MSANTD3: variants seen among roughly 807,000 people sequenced by gnomAD.
MSANTD3 encodes Myb/SANT DNA binding domain containing 3, also known as myb/SANT-like DNA-binding domain-containing protein 3.
MSANTD3 carries 11 observed loss-of-function variants against 27.7 expected under a neutral mutation model. The ratio of observed to expected loss-of-function variants is 0.40; its 90% confidence interval spans 0.25 to 0.66. The LOEUF (loss-of-function observed/expected upper bound fraction) is 0.66. MSANTD3 is among the 30% of genes least tolerant of loss of function. MSANTD3 has a pLI of 0.41. For missense variants in MSANTD3, 250 were observed against 336.5 expected (o/e 0.74, Z 2.01); for synonymous variants, 131 against 127.2 (o/e 1.03, Z -0.20).
rs147804662 is a variant in MSANTD3, at chr9:100,435,116, G to A, written c.-33-6790G>A. ...TTTATTCACGTTGCAGGACTTTTGC[G>A]CAGAGGGAATGAGGCAGGGCCGGGA... On this transcript the variant is annotated intron_variant, in intron 1 of 2. Coordinates refer to ENST00000395067, the MANE Select transcript of MSANTD3 (RefSeq NM_080655.3). 7.0e-4 allele frequency among the ~76,000 whole-genome samples: 106 copies of A among 152,304 alleles called. No homozygotes were observed. In the East Asian group the frequency reaches 0.01, roughly 15 times the overall value.
chr9:100,450,408 C>G, intron 2 of MSANTD3, 149 bp from the exon 3 acceptor site: 1 of 596,622 alleles, frequency 1.7e-6, no homozygotes, highest in Non-Finnish European at 2.6e-6. Flanking sequence ...TCAGGTGTGG[C>G]TAGGGTCCCT....
intron 1 of MSANTD3, among the ~76,000 whole-genome samples, chr9:100,427,922 G>A (rs1199271490): frequency 6.6e-6 from 1 of 152,086 alleles, no homozygotes; most frequent in African/African-American, 2.4e-5. Flanking sequence ...CGGGGCTACT[G>A]TTTCTGTAAA....
At chr9:100,448,895 C>T (rs1434752318) in intron 2 of MSANTD3, 2 of 984,492 alleles carry the variant, frequency 2.0e-6, no homozygotes, top group Non-Finnish European at 2.4e-6. Context: ...TTTCTTTAAT[C>T]GTAATTAGGG....
At chr9:100,431,541 A>G (rs748400021) in intron 1 of MSANTD3, among the ~76,000 whole-genome samples, 4 of 137,726 alleles carry the variant, frequency 2.9e-5, no homozygotes, top group Non-Finnish European at 3.2e-5. Context: ...GGCATCAAGC[A>G]GTACTCCCCC....
At chr9:100,427,682 G>GAGCT (rs1196090274) in intron 1 of MSANTD3, 1 of 152,332 alleles carries the variant, frequency 6.6e-6, no homozygotes, top group Non-Finnish European at 1.5e-5. Context: ...CGGGCTCGGG[G>GAGCT]AGCTGCTCGG....
At position 100,432,716 on chromosome 9, in the gene MSANTD3, G is replaced by A. The variant is rs567854892; in HGVS notation, c.-34+5323G>A. 5.9e-5 allele frequency among the ~76,000 whole-genome samples: 9 copies of A among 152,182 alleles called. 1 individual carries two copies. The South Asian group carries it at 1.2e-3, about 21-fold the overall frequency. On this transcript the variant is annotated intron_variant, in intron 1 of 2. Coordinates refer to ENST00000395067, the MANE Select transcript of MSANTD3 (RefSeq NM_080655.3). ...CTTGCACAGTTAAACCTGTTTAAAG[G>A]CCTTAAGCAAAATAACAAGGTCATC...
At chr9:100,449,666 C>T (rs1836838798) in intron 2 of MSANTD3, among the ~76,000 whole-genome samples, 1 of 151,932 alleles carries the variant, frequency 6.6e-6, no homozygotes, top group Non-Finnish European at 1.5e-5. Context: ...GTGAACAGGG[C>T]ATTTGGAAGA....
Position 100,440,590 on chromosome 9 carries a change from A to AAT in MSANTD3, c.-33-1316_-33-1315insAT, listed in dbSNP as rs778532166. Among the ~76,000 whole-genome samples, 339 of 135,312 alleles carry AAT rather than the reference A, an allele frequency of 2.5e-3. 2 individuals carry two copies. The highest frequency in any genetic ancestry group is 8.7e-3 in the African/African-American group (318 of 36,634). 88.8% of individuals were successfully genotyped at this position (135,312 alleles called of 152,430 possible). Reference sequence around the variant, plus strand: ...TGCCACAGAGTGATGAAAACGTCAAATTTTTTTTTTTTTTTTTTTGAGACA... The same window carrying AAT: ...TGCCACAGAGTGATGAAAACGTCAAAATTTTTTTTTTTTTTTTTTTTGAGACA... On this transcript the variant is annotated intron_variant, in intron 1 of 2. Transcript: ENST00000395067.
chr9:100,440,287 C>A (rs184759450), intron 1 of MSANTD3, among the ~76,000 whole-genome samples: 1 of 152,178 alleles, frequency 6.6e-6, no homozygotes, highest in Non-Finnish European at 1.5e-5. Context: ...ACTCCTAGGG[C>A]AGTCCAAGCT....
chr9:100,434,302 C>T (rs1836429895), intron 1 of MSANTD3, among the ~76,000 whole-genome samples: 1 of 152,136 alleles, frequency 6.6e-6, no homozygotes, highest in African/African-American at 2.4e-5. Context: ...CTGAGGCAGG[C>T]TGATCACCTG....
intron 1 of MSANTD3, among the ~76,000 whole-genome samples, chr9:100,441,662 CT>C (rs1836625969): frequency 6.6e-6 from 1 of 152,054 alleles, no homozygotes; most frequent in Non-Finnish European, 1.5e-5. Flanking sequence ...TTCAACTTTT[CT>C]TTTTTTGCTG....
rs781044947 is a variant in MSANTD3, at chr9:100,450,888, T to C, written c.750T>C (p.Tyr250=). The C allele has an allele frequency of 1.2e-6, 2 of 1,613,564 alleles. No individual in the cohort carries two copies. The change falls in exon 3 of 3, where the codon TAT becomes TAC. Residue 250 remains tyrosine (Y), a synonymous_variant. Coordinates refer to ENST00000395067, the MANE Select transcript of MSANTD3 (RefSeq NM_080655.3). The part of the protein sequence containing the change: ...KMEVLNKKKM[Y]WERKLQTFTK... ...AAGTTCTCAATAAAAAGAAGATGTA[T>C]TGGGAAAGAAAACTACAAACTTTTA...
At chr9:100,441,634 C>T (rs559679282) in intron 1 of MSANTD3, among the ~76,000 whole-genome samples, 4 of 151,086 alleles carry the variant, frequency 2.6e-5, no homozygotes, top group African/African-American at 4.9e-5. Context: ...AGCGAGACTC[C>T]GTTTCAAAAA....
At chr9:100,431,692 A>T (rs1836380892) in intron 1 of MSANTD3, among the ~76,000 whole-genome samples, 1 of 152,102 alleles carries the variant, frequency 6.6e-6, no homozygotes, top group South Asian at 2.1e-4. Context: ...CATGCCTCGG[A>T]GCTCACCGTC....
rs529362356 is a variant in MSANTD3 at position 100,440,780 on chromosome 9, C to CTTT, written c.-33-1101_-33-1099dup. 5.5e-4 allele frequency among the ~76,000 whole-genome samples: 47 copies of CTTT among 85,700 alleles called. 3 individuals carry two copies. In the East Asian group the frequency reaches 7.8e-3, roughly 14 times the overall value. 56.2% of individuals were successfully genotyped at this position (85,700 alleles called of 152,430 possible). Reference sequence around the variant, plus strand: ...TATTTTTTTTTCTTCTTTTTCTTCCCTTTTTTTTTTTTTTTTTTTTTTTTT... The same window carrying CTTT: ...TATTTTTTTTTCTTCTTTTTCTTCCCTTTTTTTTTTTTTTTTTTTTTTTTTTTT... On this transcript the variant is annotated intron_variant, in intron 1 of 2. Transcript: ENST00000395067.
chr9:100,451,134 C>T lies in MSANTD3; in HGVS notation c.*168C>T. The T allele has an allele frequency of 1.7e-6, 1 of 601,628 alleles. No individual in the cohort carries two copies. Among genetic ancestry groups the T allele is most frequent in the Non-Finnish European group, 2.8e-6 (1 of 361,168 alleles). 37.3% of individuals were successfully genotyped at this position (601,628 alleles called of 1,614,324 possible). ...GTAAACAGCTGCACCCTCTGTACCCCTTAAGTGGCAAAGAAGCTGTTATAG... is the reference window on the plus strand; with the variant it reads ...GTAAACAGCTGCACCCTCTGTACCCTTTAAGTGGCAAAGAAGCTGTTATAG... On this transcript the variant is annotated 3_prime_UTR_variant, in exon 3 of 3. Coordinates refer to ENST00000395067, the MANE Select transcript of MSANTD3 (RefSeq NM_080655.3).
At chr9:100,443,775 G>C (rs1465207250) in intron 2 of MSANTD3, among the ~76,000 whole-genome samples, 1 of 152,186 alleles carries the variant, frequency 6.6e-6, no homozygotes, top group Non-Finnish European at 1.5e-5. Flanking sequence ...AGAAATTCCT[G>C]CTTCTTTTCA....
At chr9:100,442,507 A>G in intron 2 of MSANTD3, 151 bp downstream of exon 2, 1 of 1,326,954 alleles carries the variant, frequency 7.5e-7, no homozygotes, top group Non-Finnish European at 1.0e-6. Flanking sequence ...ATTATATAGG[A>G]CATTCAAAGT....
At chr9:100,445,097 T>C in intron 2 of MSANTD3, 1 of 848,148 alleles carries the variant, frequency 1.2e-6, no homozygotes, top group Non-Finnish European at 2.0e-6. Context: ...TTAATACTAG[T>C]AGGTAGGGTA....
Sources: gnomAD v4.1 joint callset for allele counts (sites outside exome capture counted in the v4.1 genomes callset) on GRCh38, gnomAD v4.1.1 for gene constraint, MANE v1.5 for transcripts, NCBI Gene and HGNC (gene_info 2026-07-23, HGNC 2026-07-21) for gene names.